TLL2: variants seen among roughly 807,000 people sequenced by gnomAD.
TLL2 encodes the protein tolloid like 2.
A neutral mutation model predicts 123.0 loss-of-function variants in TLL2; 106 were observed. The ratio of observed to expected loss-of-function variants is 0.86; its 90% CI spans 0.74 to 1.01. The LOEUF (loss-of-function observed/expected upper bound fraction) is 1.01. TLL2 is among the 50% of genes least tolerant of loss of function. The probability of loss-of-function intolerance (pLI) is 0.00; values close to 1 mark genes in which losing one functional copy is unlikely to be tolerated. For missense variants in TLL2, 1,332 were observed against 1,336.7 expected, an observed-to-expected ratio of 1.00 and a Z score of 0.06; for synonymous variants, 494 against 516.8, an observed-to-expected ratio of 0.96 and a Z score of 0.60.
chr10:96,427,174 GTTA>G, intron 5 of TLL2, among the ~76,000 whole-genome samples: 1 of 152,170 alleles, frequency 6.6e-6, no homozygotes, highest in Middle Eastern at 3.4e-3. Flanking sequence ...TTCTATTTTT[GTTA>G]TTATGTTATG....
At chr10:96,502,940 T>C (rs1053958533) in intron 1 of TLL2, among the ~76,000 whole-genome samples, 3 of 152,116 alleles carry the variant, frequency 2.0e-5, no homozygotes, top group African/African-American at 7.2e-5. Flanking sequence ...TTATTGGTAA[T>C]TGGCAGAAGT....
intron 20 of TLL2, among the ~76,000 whole-genome samples, chr10:96,368,546 G>A (rs1003268798): frequency 1.3e-5 from 2 of 152,152 alleles, no homozygotes; most frequent in Non-Finnish European, 2.9e-5. Context: ...TATAAGGCAG[G>A]TACTATCCCC....
intron 1 of TLL2, among the ~76,000 whole-genome samples, chr10:96,492,768 T>C (rs1002824342): frequency 6.6e-6 from 1 of 152,218 alleles, no homozygotes; most frequent in African/African-American, 2.4e-5. Flanking sequence ...ATCACGGCTC[T>C]CCAAGAGAAA....
intron 1 of TLL2, among the ~76,000 whole-genome samples, chr10:96,494,746 C>T (rs1391875597): frequency 3.3e-5 from 5 of 152,188 alleles, no homozygotes; most frequent in Admixed American, 6.5e-5. Context: ...CCCTTTGAAG[C>T]GTTTTCTTCT....
intron 2 of TLL2, among the ~76,000 whole-genome samples, chr10:96,477,840 T>C (rs961992597): frequency 6.6e-6 from 1 of 152,186 alleles, no homozygotes; most frequent in African/African-American, 2.4e-5. Flanking sequence ...TCTAAGGCCC[T>C]GGGAGACGGC....
Position 96,397,244 on chromosome 10 carries a change from C to T in TLL2, c.1326G>A (p.Trp442Ter). 3 of 1,613,764 alleles carry T rather than the reference C, an allele frequency of 1.9e-6. No homozygotes were observed. Among genetic ancestry groups the T allele is most frequent in the Non-Finnish European group, 2.5e-6 (3 of 1,179,776 alleles). The change falls in exon 11 of 21, where the codon TGG becomes TGA. Residue 442 changes from tryptophan to a stop codon, truncating the protein, a stop_gained. Coordinates refer to ENST00000357947, the MANE Select transcript of TLL2 (RefSeq NM_012465.4). LOFTEE classifies it high-confidence loss of function. ...EPLVSTDSRL[W>*]VEFRSSSNIL... is the part of the protein sequence containing the mutation. ...TGTTGCTGCTGCTGCGGAACTCCAC[C>T]CAGAGCCGGCTGTCCGTGGAGACGA...
chr10:96,394,839 C>T (rs1455168154), intron 13 of TLL2, among the ~76,000 whole-genome samples: 1 of 152,244 alleles, frequency 6.6e-6, no homozygotes, highest in Non-Finnish European at 1.5e-5. Context: ...AAGTACCTTA[C>T]ACAGTTCTTG....
At chr10:96,429,938 A>G (rs72811107) in intron 4 of TLL2, among the ~76,000 whole-genome samples, 329 of 152,304 alleles carry the variant, frequency 2.2e-3, no homozygotes, top group Admixed American at 3.6e-3. Flanking sequence ...TAGAAGGAAG[A>G]CTGTTTAAAT....
At chr10:96,442,282 C>T (rs1209585864) in intron 3 of TLL2, among the ~76,000 whole-genome samples, 2 of 152,214 alleles carry the variant, frequency 1.3e-5, no homozygotes, top group Non-Finnish European at 2.9e-5. Flanking sequence ...GGGCGCTTCC[C>T]TCAGATCCTT....
chr10:96,395,263 G>A lies in TLL2; in HGVS notation c.1650C>T (p.Ser550=), dbSNP rs142086966. 1.7e-5 allele frequency: 28 copies of A among 1,613,984 alleles called. No homozygotes were observed. Among genetic ancestry groups the A allele is most frequent in the Non-Finnish European group, 2.4e-5 (28 of 1,180,004 alleles). The change falls in exon 13 of 21, where the codon AGC becomes AGT. Residue 550 remains serine (S), a synonymous_variant. Transcript: ENST00000357947. ...GYEKPEDVKS[S]SNRLWMKFVS... is the part of the protein sequence containing the mutation. The stretch of plus-strand genomic sequence containing the variant: ...CAAACTTCATCCACAGTCTGTTGGA[G>A]CTCGATTTCACATCCTCCGGCTTCT...
At chr10:96,459,258 T>A (rs558224988) in intron 2 of TLL2, among the ~76,000 whole-genome samples, 2 of 152,166 alleles carry the variant, frequency 1.3e-5, no homozygotes, top group South Asian at 2.1e-4. Flanking sequence ...TCAAGAAGAA[T>A]AAATGAGTGA....
intron 7 of TLL2, among the ~76,000 whole-genome samples, chr10:96,413,939 G>T (rs1342284776): frequency 1.3e-5 from 2 of 152,168 alleles, no homozygotes; most frequent in Non-Finnish European, 2.9e-5. Context: ...TCCCCTCTCT[G>T]AGCCTCTCTA....
At chr10:96,441,003 G>A (rs909288798) in intron 3 of TLL2, among the ~76,000 whole-genome samples, 14 of 152,102 alleles carry the variant, frequency 9.2e-5, no homozygotes, top group South Asian at 8.3e-4. Context: ...AGCTCAGGGC[G>A]TCTGACAGGA....
intron 7 of TLL2, among the ~76,000 whole-genome samples, chr10:96,418,941 C>T (rs74151318): frequency 0.012 from 1,766 of 152,028 alleles, 34 homozygotes; most frequent in African/African-American, 0.04. Context: ...AAGCTTCTCC[C>T]TTGGGCCAAC....
chr10:96,464,393 T>C (rs1194799387), intron 2 of TLL2, among the ~76,000 whole-genome samples: 2 of 151,378 alleles, frequency 1.3e-5, no homozygotes, highest in Non-Finnish European at 2.9e-5. Context: ...CAAAAATAAA[T>C]AAATTAATTA....
chr10:96,391,419 T>A (rs980016805), intron 13 of TLL2, among the ~76,000 whole-genome samples: 1 of 152,104 alleles, frequency 6.6e-6, no homozygotes, highest in Non-Finnish European at 1.5e-5. Flanking sequence ...TATACCTCTG[T>A]GGTATCGGGA....
chr10:96,413,178 C>G lies in TLL2; in HGVS notation c.1048+14G>C, dbSNP rs373878982. Reference sequence around the variant, plus strand: ...GCTAGGGAGGTGCTGGCAGTCCCCACGGCTCATAGTTACCTGGGCATTTGT... The same window carrying G: ...GCTAGGGAGGTGCTGGCAGTCCCCAGGGCTCATAGTTACCTGGGCATTTGT... On this transcript the variant is annotated intron_variant, in intron 8 of 20. Coordinates refer to ENST00000357947, the MANE Select transcript of TLL2 (RefSeq NM_012465.4). 5 of 1,613,572 alleles carry G rather than the reference C, an allele frequency of 3.1e-6. No individual in the cohort carries two copies. The highest frequency in any genetic ancestry group is 1.1e-5 in the South Asian group (1 of 91,044).
chr10:96,451,189 C>G (rs1346588316), intron 2 of TLL2, among the ~76,000 whole-genome samples: 3 of 152,308 alleles, frequency 2.0e-5, no homozygotes, highest in Admixed American at 1.3e-4. Flanking sequence ...CAGAGCTGTT[C>G]TTTTTTCTAA....
In TLL2 at chr10:96,368,016, A is replaced by T; in HGVS notation, c.*72T>A. The T allele has an allele frequency of 1.3e-6, 2 of 1,571,468 alleles. No individual in the cohort carries two copies. Among genetic ancestry groups the T allele is most frequent in the Non-Finnish European group, 1.7e-6 (2 of 1,154,148 alleles). The stretch of plus-strand genomic sequence containing the variant: ...TACACTGTTTTAGGGCAGATTTTCA[A>T]GGTGCTATTGTTGTTAAAAACAAAA... On this transcript the variant is annotated 3_prime_UTR_variant, in exon 21 of 21. Transcript: ENST00000357947.
Sources: allele counts gnomAD v4.1 joint callset (sites outside exome capture counted in the v4.1 genomes callset), GRCh38; gene constraint gnomAD v4.1.1; transcripts MANE v1.5; gene names NCBI Gene and HGNC (gene_info 2026-07-23, HGNC 2026-07-21).